GALNTL6: variants seen among roughly 807,000 people sequenced by gnomAD.
The protein encoded by GALNTL6 is polypeptide N-acetylgalactosaminyltransferase like 6.
GALNTL6 carries 46 observed loss-of-function variants against 73.7 expected under a neutral mutation model. That is an observed-to-expected ratio of 0.62 (90% CI 0.49 to 0.80). The LOEUF is 0.80. Among genes scored for constraint, GALNTL6 ranks in the 30% least tolerant of loss-of-function variants. GALNTL6 has a pLI of 0.00. For synonymous variants in GALNTL6, 259 were observed against 263.7 expected (o/e 0.98, Z 0.17); for missense variants, 604 against 755.0 (o/e 0.80, Z 2.34).
chr4:172,722,627 A>G (rs531739335), intron 5 of GALNTL6, among the ~76,000 whole-genome samples: 2 of 152,306 alleles, frequency 1.3e-5, no homozygotes, highest in African/African-American at 4.8e-5. Flanking sequence ...CAGAAAACAT[A>G]TTGAAAAATG....
chr4:172,709,015 T>G (rs1296505401), intron 5 of GALNTL6, among the ~76,000 whole-genome samples: 3 of 152,212 alleles, frequency 2.0e-5, no homozygotes, highest in Admixed American at 2.0e-4. Context: ...AAACAATTTT[T>G]TCTATATTGT....
chr4:172,865,847 G>A (rs1744636016), intron 7 of GALNTL6, among the ~76,000 whole-genome samples: 2 of 151,964 alleles, frequency 1.3e-5, no homozygotes, highest in Admixed American at 1.3e-4. Context: ...TTATGCTGAT[G>A]GCTTTTATGT....
intron 5 of GALNTL6, among the ~76,000 whole-genome samples, chr4:172,350,441 T>C (rs1741903983): frequency 6.6e-6 from 1 of 152,184 alleles, no homozygotes; most frequent in South Asian, 2.1e-4. Flanking sequence ...TGTTTCTGTA[T>C]GTCATGTTAG....
At chr4:172,849,413 T>C (rs1407652970) in intron 7 of GALNTL6, among the ~76,000 whole-genome samples, 1 of 152,164 alleles carries the variant, frequency 6.6e-6, no homozygotes, top group East Asian at 1.9e-4. Context: ...TGAGCATTAG[T>C]TCTGTAAATG....
chr4:172,789,644 T>A (rs542187569), intron 5 of GALNTL6, among the ~76,000 whole-genome samples: 1 of 152,202 alleles, frequency 6.6e-6, no homozygotes, highest in Non-Finnish European at 1.5e-5. Context: ...GGGACCTCCA[T>A]GTCTTCAGCT....
intron 10 of GALNTL6, 60 bp from the exon 11 acceptor site, chr4:173,009,118 A>T: frequency 4.6e-6 from 5 of 1,081,540 alleles, no homozygotes; most frequent in Non-Finnish European, 7.2e-6. Flanking sequence ...CATGGTTGTT[A>T]GGAGCCAATG....
At chr4:172,190,242 C>T (rs1735534399) in intron 2 of GALNTL6, among the ~76,000 whole-genome samples, 1 of 152,126 alleles carries the variant, frequency 6.6e-6, no homozygotes, top group South Asian at 2.1e-4. Flanking sequence ...TTCCTCACAT[C>T]TTATTCTTTT....
In GALNTL6 at chr4:172,934,109, T is replaced by C. The variant is rs577157225; in HGVS notation, c.1149+2841T>C. Among the ~76,000 whole-genome samples, 12 of 152,292 alleles carry C rather than the reference T, an allele frequency of 7.9e-5. No homozygotes were observed. The East Asian group carries it at 1.7e-3, about 22-fold the overall frequency. On this transcript the variant is annotated intron_variant, in intron 9 of 12. Transcript: ENST00000506823. Reference sequence around the variant, plus strand: ...ACAGGATATCCATATATGAAACCATTAGAGGACAGTACAAGGCAAGTAACT... The same window carrying C: ...ACAGGATATCCATATATGAAACCATCAGAGGACAGTACAAGGCAAGTAACT...
intron 7 of GALNTL6, among the ~76,000 whole-genome samples, chr4:172,844,697 T>C (rs1023419341): frequency 6.6e-6 from 1 of 152,162 alleles, no homozygotes; most frequent in Non-Finnish European, 1.5e-5. Context: ...CTACCAAACA[T>C]GATGTCAGTT....
intron 7 of GALNTL6, among the ~76,000 whole-genome samples, chr4:172,877,710 A>C (rs1579599268): frequency 6.6e-6 from 1 of 151,740 alleles, no homozygotes; most frequent in Non-Finnish European, 1.5e-5. Context: ...CAGAAAAGTC[A>C]TGTATTTCTA....
intron 2 of GALNTL6, among the ~76,000 whole-genome samples, chr4:171,866,356 T>A (rs1258599786): frequency 6.6e-6 from 1 of 152,118 alleles, no homozygotes; most frequent in Non-Finnish European, 1.5e-5. Context: ...CATTTCCAAT[T>A]AGAGTCAATA....
At chr4:172,075,425 C>G (rs1279687452) in intron 2 of GALNTL6, among the ~76,000 whole-genome samples, 1 of 152,210 alleles carries the variant, frequency 6.6e-6, no homozygotes, top group African/African-American at 2.4e-5. Flanking sequence ...AGCTCTGCCT[C>G]CTGGGTTTAC....
intron 3 of GALNTL6, among the ~76,000 whole-genome samples, chr4:172,276,490 T>A (rs933433370): frequency 1.6e-4 from 24 of 152,234 alleles, no homozygotes; most frequent in Non-Finnish European, 4.4e-5. Context: ...ATCAATGATA[T>A]GATGCCATGT....
chr4:172,494,989 T>G (rs1317430334), intron 5 of GALNTL6, among the ~76,000 whole-genome samples: 2 of 152,134 alleles, frequency 1.3e-5, no homozygotes, highest in Non-Finnish European at 2.9e-5. Flanking sequence ...TTAACCATCA[T>G]ACACCCTCAC....
At chr4:172,548,838 T>C (rs1328631884) in intron 5 of GALNTL6, among the ~76,000 whole-genome samples, 2 of 152,200 alleles carry the variant, frequency 1.3e-5, no homozygotes, top group Non-Finnish European at 2.9e-5. Flanking sequence ...TTTGTATGTA[T>C]ATGTTTTTCC....
At chr4:172,840,774 A>G (rs1560986457) in intron 7 of GALNTL6, among the ~76,000 whole-genome samples, 1 of 152,162 alleles carries the variant, frequency 6.6e-6, no homozygotes, top group Non-Finnish European at 1.5e-5. Context: ...GATATGTGCT[A>G]TCGAGACTGT....
intron 5 of GALNTL6, among the ~76,000 whole-genome samples, chr4:172,606,546 A>G (rs1738269475): frequency 7.9e-6 from 1 of 126,160 alleles, no homozygotes; most frequent in Admixed American, 8.1e-5. Flanking sequence ...ATAAGAAGGA[A>G]GTGTATATAT....
intron 7 of GALNTL6, among the ~76,000 whole-genome samples, chr4:172,851,899 C>T (rs1389941453): frequency 6.6e-6 from 1 of 152,134 alleles, no homozygotes; most frequent in Admixed American, 6.6e-5. Flanking sequence ...ATTCTGGATG[C>T]TCTGCCTGAT....
At chr4:172,103,409 T>C (rs191370932) in intron 2 of GALNTL6, among the ~76,000 whole-genome samples, 1 of 152,258 alleles carries the variant, frequency 6.6e-6, no homozygotes, top group Non-Finnish European at 1.5e-5. Context: ...AAAACATAGG[T>C]TTACTATGTT....
Sources: gnomAD v4.1 joint callset for allele counts (sites outside exome capture counted in the v4.1 genomes callset) on GRCh38, gnomAD v4.1.1 for gene constraint, MANE v1.5 for transcripts, NCBI Gene and HGNC (gene_info 2026-07-23, HGNC 2026-07-21) for gene names.